FHIT: variants seen among roughly 807,000 people sequenced by gnomAD.
FHIT encodes bis(5'-adenosyl)-triphosphatase.
Under a neutral mutation model 17.9 loss-of-function variants are expected in FHIT, and 19 were observed. The observed-to-expected ratio is 1.06, with a 90% CI of 0.74 to 1.56. The LOEUF (loss-of-function observed/expected upper bound fraction) is 1.56, where lower values mean the gene tolerates loss of function less well. Among genes scored for constraint, FHIT ranks in the 40% most tolerant of loss-of-function variants. The pLI, the probability that FHIT is intolerant of heterozygous loss-of-function variation, is 0.00. For synonymous variants in FHIT, 81 were observed against 69.7 expected (o/e 1.16, Z -0.81); for missense variants, 248 against 189.2 (o/e 1.31, Z -1.82).
At chr3:60,042,367 A>C (rs1217205401) in intron 5 of FHIT, among the ~76,000 whole-genome samples, 1 of 152,206 alleles carries the variant, frequency 6.6e-6, no homozygotes, top group Non-Finnish European at 1.5e-5. Context: ...AGCATAACAA[A>C]ATACCAAGTA....
At chr3:60,576,112 C>A (rs1045429336) in intron 4 of FHIT, among the ~76,000 whole-genome samples, 1 of 152,020 alleles carries the variant, frequency 6.6e-6, no homozygotes, top group South Asian at 2.1e-4. Context: ...AAGACAGAGA[C>A]GGGTAGAAGT....
chr3:60,413,803 A>T (rs1702149747), intron 5 of FHIT, among the ~76,000 whole-genome samples: 1 of 152,148 alleles, frequency 6.6e-6, no homozygotes, highest in African/African-American at 2.4e-5. Flanking sequence ...AAGAAACATA[A>T]CCTCAGTCAC....
Position 60,977,431 on chromosome 3 carries a change from G to A in FHIT, c.-111+64616C>T, listed in dbSNP as rs532643023. Reference sequence around the variant, plus strand: ...ACCCTTAAGAAACTTGAGTGTATGAGTGTGTGTGAAATACAAATAAAACCT... The same window carrying A: ...ACCCTTAAGAAACTTGAGTGTATGAATGTGTGTGAAATACAAATAAAACCT... On this transcript the variant is annotated intron_variant, in intron 3 of 9. Transcript: ENST00000492590. Among the ~76,000 whole-genome samples the A allele has an allele frequency of 2.4e-4, 37 of 152,278 alleles. 1 individual carries two copies. The South Asian group carries it at 5.2e-3, about 21-fold the overall frequency.
intron 5 of FHIT, among the ~76,000 whole-genome samples, chr3:60,188,165 CT>C (rs1237692249): frequency 1.3e-5 from 2 of 148,646 alleles, no homozygotes; most frequent in African/African-American, 4.9e-5. Context: ...ATGTCAGACT[CT>C]AACAGGTGTC....
chr3:60,116,095 G>A (rs759482372), intron 5 of FHIT, among the ~76,000 whole-genome samples: 3 of 152,146 alleles, frequency 2.0e-5, no homozygotes, highest in East Asian at 1.9e-4. Context: ...ATCTGTTAGC[G>A]TTAACTATAG....
At chr3:60,701,776 G>C (rs1287273817) in intron 4 of FHIT, among the ~76,000 whole-genome samples, 2 of 152,198 alleles carry the variant, frequency 1.3e-5, no homozygotes, top group Admixed American at 6.5e-5. Flanking sequence ...TAGTGTGTTA[G>C]TCCTATAAAG....
At chr3:60,552,067 TA>T (rs2036578277) in intron 4 of FHIT, among the ~76,000 whole-genome samples, 1 of 152,156 alleles carries the variant, frequency 6.6e-6, no homozygotes. Context: ...CTGGACATTC[TA>T]TAGAAATGGA....
intron 5 of FHIT, among the ~76,000 whole-genome samples, chr3:60,269,286 T>C (rs998309617): frequency 2.0e-5 from 3 of 152,242 alleles, no homozygotes; most frequent in South Asian, 2.1e-4. Context: ...TTTAACCTTA[T>C]TGGGAACCTT....
chr3:60,934,610 T>G (rs1217482403), intron 3 of FHIT, among the ~76,000 whole-genome samples: 4 of 152,164 alleles, frequency 2.6e-5, no homozygotes, highest in Admixed American at 2.0e-4. Flanking sequence ...CAAAAGTACT[T>G]TATGAGGTAG....
chr3:60,593,249 A>G (rs2038151240), intron 4 of FHIT, among the ~76,000 whole-genome samples: 1 of 152,186 alleles, frequency 6.6e-6, no homozygotes. Flanking sequence ...AGGAATAAGG[A>G]CAGGAGATCC....
At chr3:60,395,756 G>A (rs1701413793) in intron 5 of FHIT, among the ~76,000 whole-genome samples, 1 of 152,164 alleles carries the variant, frequency 6.6e-6, no homozygotes, top group Admixed American at 6.5e-5. Context: ...AGGACAAGTG[G>A]CAGGGTTTCA....
intron 1 of FHIT, among the ~76,000 whole-genome samples, chr3:61,202,806 C>T (rs1196690063): frequency 2.0e-5 from 3 of 152,082 alleles, no homozygotes; most frequent in African/African-American, 7.2e-5. Flanking sequence ...AATCCCAGCA[C>T]TTTGGGACAC....
At chr3:60,757,836 GA>G (rs1275448824) in intron 4 of FHIT, among the ~76,000 whole-genome samples, 1 of 152,160 alleles carries the variant, frequency 6.6e-6, no homozygotes, top group Non-Finnish European at 1.5e-5. Context: ...GTGAAGAATG[GA>G]TGACACGACA....
At chr3:60,965,442 C>G (rs1553782940) in intron 3 of FHIT, among the ~76,000 whole-genome samples, 1 of 152,216 alleles carries the variant, frequency 6.6e-6, no homozygotes, top group African/African-American at 2.4e-5. Flanking sequence ...CTCAACTTGT[C>G]AAAGTCATTC....
intron 5 of FHIT, among the ~76,000 whole-genome samples, chr3:60,146,764 CA>C (rs971323889): frequency 1.3e-5 from 2 of 152,124 alleles, no homozygotes; most frequent in African/African-American, 4.8e-5. Context: ...AAATCTGCAG[CA>C]AAAGTTTACT....
intron 5 of FHIT, among the ~76,000 whole-genome samples, chr3:60,167,946 C>A (rs1424330186): frequency 6.6e-6 from 1 of 152,028 alleles, no homozygotes; most frequent in African/African-American, 2.4e-5. Flanking sequence ...ATGGGCTGAG[C>A]CTGAGAGGTT....
intron 4 of FHIT, among the ~76,000 whole-genome samples, chr3:60,784,423 G>T (rs1700496920): frequency 6.7e-6 from 1 of 150,350 alleles, no homozygotes; most frequent in South Asian, 2.1e-4. Context: ...TGCAGCCTCT[G>T]CCTCCCAAGC....
chr3:60,114,909 C>A lies in FHIT; in HGVS notation c.104-100757G>T, dbSNP rs1010293607. ...GAGGCCAGAAAGGAATCATAGTATA[C>A]TGAAAAGCCGCTGTCTGATAAAAGT... is the stretch of plus-strand genomic sequence containing the variant. On this transcript the variant is annotated intron_variant, in intron 5 of 9. Coordinates refer to ENST00000492590, the MANE Select transcript of FHIT (RefSeq NM_002012.4). Among the ~76,000 whole-genome samples, 5 of 152,234 alleles carry A rather than the reference C, an allele frequency of 3.3e-5. No homozygotes were observed. The East Asian group carries it at 9.6e-4, about 29-fold the overall frequency.
chr3:61,191,810 T>C (rs2038724373), intron 2 of FHIT, among the ~76,000 whole-genome samples: 1 of 152,180 alleles, frequency 6.6e-6, no homozygotes, highest in Non-Finnish European at 1.5e-5. Flanking sequence ...CAGCCTCTTC[T>C]GATTGCTTAA....
Sources: gnomAD v4.1 joint callset for allele counts (sites outside exome capture counted in the v4.1 genomes callset) on GRCh38, gnomAD v4.1.1 for gene constraint, MANE v1.5 for transcripts, NCBI Gene and HGNC (gene_info 2026-07-23, HGNC 2026-07-21) for gene names.